RYR1: variants seen among roughly 807,000 people sequenced by gnomAD.
RYR1 encodes the protein ryanodine receptor 1.
A neutral mutation model predicts 583.5 loss-of-function variants in RYR1; 342 were observed. That is an observed-to-expected ratio of 0.59 (90% CI 0.54 to 0.64). The LOEUF (loss-of-function observed/expected upper bound fraction) is 0.64. Among genes scored for constraint, RYR1 ranks in the 30% least tolerant of loss-of-function variants. The pLI is 0.00. For missense variants in RYR1, 6,032 were observed against 6,917.2 expected, an observed-to-expected ratio of 0.87 and a Z score of 4.54; for synonymous variants, 2,791 against 2,822.5, an observed-to-expected ratio of 0.99 and a Z score of 0.35.
chr19:38,488,916 A>T lies in RYR1; in HGVS notation c.5548-261A>T, dbSNP rs34370689. ...CATGCTTAGGCTTGGGAGAAAGGAC[A>T]CTCGCCTGTGATGGGAGAGGCACTC... On this transcript the variant is annotated intron_variant, in intron 34 of 105. Coordinates refer to ENST00000359596, the MANE Select transcript of RYR1 (RefSeq NM_000540.3). Among the ~76,000 whole-genome samples, 18,955 of 151,950 alleles carry T rather than the reference A, an allele frequency of 0.12. 1,297 individuals carry two copies. Among genetic ancestry groups the T allele is most frequent in the South Asian group, 0.19 (926 of 4,812 alleles).
chr19:38,506,290 C>G lies in RYR1; in HGVS notation c.8542-13C>G, dbSNP rs1436076205. 6.2e-7 allele frequency: 1 copy of G among 1,613,892 alleles called. No homozygotes were observed. Among genetic ancestry groups the G allele is most frequent in the African/African-American group, 1.3e-5 (1 of 74,982 alleles). ...CCATCAGCCCACCTCCCATCTTCCC[C>G]TTGTCCTCTCAGACCTATGATCCTC... On this transcript the variant is annotated splice_polypyrimidine_tract_variant and intron_variant, in intron 54 of 105. Transcript: ENST00000359596.
rs762179811 is a variant in RYR1, at chr19:38,506,872, G to A, written c.8736G>A (p.Thr2912=). The A allele has an allele frequency of 6.2e-7, 1 of 1,613,830 alleles. No homozygotes were observed. The highest frequency in any genetic ancestry group is 8.5e-7 in the Non-Finnish European group (1 of 1,180,044). Residue 2912 remains threonine (T), a synonymous_variant, in exon 57 of 106, where the codon ACG becomes ACA. Transcript: ENST00000359596. ...HPLLVPYDTL[T]AKEKARDREK... is the part of the protein sequence containing the mutation. Reference sequence around the variant, plus strand: ...TGCTGGTCCCCTACGACACGCTCACGGCCAAGGAGAAGGCACGAGATCGAG... The same window carrying A: ...TGCTGGTCCCCTACGACACGCTCACAGCCAAGGAGAAGGCACGAGATCGAG...
chr19:38,461,171 A>C (rs1967718476), intron 20 of RYR1, among the ~76,000 whole-genome samples: 1 of 151,180 alleles, frequency 6.6e-6, no homozygotes, highest in African/African-American at 2.4e-5. Context: ...ACAAACAAAC[A>C]AAAACAACCA....
In RYR1 at chr19:38,500,145, G is replaced by A; in HGVS notation, c.7323+129G>A. On this transcript the variant is annotated intron_variant, in intron 45 of 105. Transcript: ENST00000359596. This position sits in a 1 kb window ranked among gnomAD's most constrained non-coding sequence, Gnocchi z 5.9. ...GTGGTCCTGGACTAGCAATGTTGGG[G>A]ACACAACAGTGACCAAGACAGCCCC... The A allele has an allele frequency of 1.2e-6, 1 of 837,186 alleles. No individual in the cohort carries two copies. The highest frequency in any genetic ancestry group is 2.0e-6 in the Non-Finnish European group (1 of 508,826). The allele number at this position is 837,186 out of a possible 1,614,324, so 51.9% of individuals were successfully genotyped here.
chr19:38,477,876 G>A lies in RYR1; in HGVS notation c.4454+6G>A, dbSNP rs771877667. The A allele has an allele frequency of 2.2e-5, 35 of 1,611,318 alleles. No individual in the cohort carries two copies. Among genetic ancestry groups the A allele is most frequent in the Non-Finnish European group, 2.9e-5 (34 of 1,178,716 alleles). On this transcript the variant is annotated splice_donor_region_variant and intron_variant, in intron 30 of 105. Coordinates refer to ENST00000359596, the MANE Select transcript of RYR1 (RefSeq NM_000540.3). ...CAAGGCAACGTCCACAGCAGGTGCC[G>A]GGGCTGGGGGGAGGTGGGAGGTGCA...
intron 93 of RYR1, among the ~76,000 whole-genome samples, chr19:38,569,576 ATCT>A (rs1371427922): frequency 6.6e-6 from 1 of 151,660 alleles, no homozygotes; most frequent in Non-Finnish European, 1.5e-5. Context: ...ATTCCCTTTC[ATCT>A]TCTGTAAAGC....
chr19:38,488,724 C>T (rs542578611), intron 34 of RYR1, among the ~76,000 whole-genome samples: 4 of 152,044 alleles, frequency 2.6e-5, no homozygotes, highest in Non-Finnish European at 5.9e-5. Flanking sequence ...AGGCTGGTCT[C>T]GAACTCCTGG....
At chr19:38,441,731 A>C (rs1972695886) in intron 2 of RYR1, among the ~76,000 whole-genome samples, 2 of 138,620 alleles carry the variant, frequency 1.4e-5, no homozygotes, top group Non-Finnish European at 3.1e-5. Flanking sequence ...GGGATGTGGA[A>C]TCTGATGGGG....
chr19:38,463,936 G>T (rs1051646019), intron 22 of RYR1, 86 bp downstream of exon 22: 21 of 992,196 alleles, frequency 2.1e-5, no homozygotes, highest in Admixed American at 3.6e-5. Flanking sequence ...AGGAGGTAGA[G>T]ACTGAGAGAG....
At chr19:38,487,108 G>A (rs572186517) in intron 34 of RYR1, among the ~76,000 whole-genome samples, 2 of 151,392 alleles carry the variant, frequency 1.3e-5, no homozygotes, top group South Asian at 2.1e-4. Flanking sequence ...CCACCTATGC[G>A]TCCATCCATA....
intron 96 of RYR1, among the ~76,000 whole-genome samples, chr19:38,574,256 T>A (rs1478767005): frequency 9.4e-6 from 1 of 106,406 alleles, no homozygotes. Context: ...CGAGACTCCA[T>A]CTGAAAAAAA....
chr19:38,494,555 G>A lies in RYR1; in HGVS notation c.6478G>A (p.Gly2160Ser), dbSNP rs143398211. The A allele has an allele frequency of 4.2e-5, 68 of 1,614,066 alleles. No homozygotes were observed. In the African/African-American group the frequency reaches 5.3e-4, roughly 13 times the overall value. ...CACCATGAGCCTGCTCGAGTGCCTC[G>A]GCCAGATCCGCTCGCTGCTCATCGT... ...EDTMSLLECL[G>S]QIRSLLIVQM... Residue 2160 changes from glycine to serine, a missense_variant, in exon 39 of 106, where the codon GGC becomes AGC. Gly to Ser is a moderately conservative substitution (Grantham distance 56). This residue lies in a region of RYR1 where 2,627 missense variants were observed against 2,961.3 expected (regional missense o/e 0.89). Coordinates refer to ENST00000359596, the MANE Select transcript of RYR1 (RefSeq NM_000540.3).
At chr19:38,572,610 G>C (rs927836926) in intron 95 of RYR1, among the ~76,000 whole-genome samples, 1 of 151,894 alleles carries the variant, frequency 6.6e-6, no homozygotes, top group Non-Finnish European at 1.5e-5. Flanking sequence ...ACTTTGCCCT[G>C]CTTCCACCTC....
At chr19:38,546,048 A>G (rs1972408244) in intron 87 of RYR1, among the ~76,000 whole-genome samples, 1 of 152,066 alleles carries the variant, frequency 6.6e-6, no homozygotes, top group South Asian at 2.1e-4. Context: ...ATTATATTCA[A>G]CATACATCTG....
At chr19:38,447,857 AAC>A (rs1332291396) in intron 9 of RYR1, among the ~76,000 whole-genome samples, 4 of 143,848 alleles carry the variant, frequency 2.8e-5, no homozygotes, top group African/African-American at 1.1e-4. Flanking sequence ...AAAAAAAAAA[AAC>A]AAGCAAAACA....
At chr19:38,501,043 G>A in intron 47 of RYR1, 53 bp downstream of exon 47, 1 of 1,581,352 alleles carries the variant, frequency 6.3e-7, no homozygotes, top group Non-Finnish European at 8.6e-7. Flanking sequence ...AGAGGGACAG[G>A]AGATGGGTCA....
In RYR1 at chr19:38,580,148, G is replaced by T; in HGVS notation, c.14511+20G>T. ...AAACAGGTGTGGGGAGGACCTGGCT[G>T]TGGGGCGTGGGCCAGCAGGGACCAG... On this transcript the variant is annotated intron_variant, in intron 100 of 105. Coordinates refer to ENST00000359596, the MANE Select transcript of RYR1 (RefSeq NM_000540.3). 1.2e-6 allele frequency: 2 copies of T among 1,614,080 alleles called. No individual in the cohort carries two copies. The highest frequency in any genetic ancestry group is 1.7e-6 in the Non-Finnish European group (2 of 1,180,026).
At chr19:38,504,722 A>G (rs1970360444) in intron 50 of RYR1, 26 bp from the exon 51 acceptor site, 3 of 1,609,558 alleles carry the variant, frequency 1.9e-6, no homozygotes, top group Non-Finnish European at 2.5e-6. Context: ...GCGACCTCCT[A>G]CCCCTGCTTC....
At chr19:38,448,536 C>T (rs749884231) in intron 10 of RYR1, 25 bp downstream of exon 10, 3 of 1,612,288 alleles carry the variant, frequency 1.9e-6, no homozygotes, top group Non-Finnish European at 1.7e-6. Flanking sequence ...TGGCGCCCTC[C>T]CTCACCTGAA....
Sources: allele counts gnomAD v4.1 joint callset (sites outside exome capture counted in the v4.1 genomes callset), GRCh38; gene constraint gnomAD v4.1.1; regional missense constraint gnomAD v4.1.1; non-coding constraint Gnocchi (gnomAD v3.1); transcripts MANE v1.5; gene names NCBI Gene and HGNC (gene_info 2026-07-23, HGNC 2026-07-21).